The following RARB variants were observed in gnomAD, a reference collection of about 807,000 sequenced individuals.
RARB encodes HBV-activated protein.
Under a neutral mutation model 51.9 loss-of-function variants are expected in RARB, and 17 were observed. That is an observed-to-expected ratio of 0.33 (90% confidence interval 0.22 to 0.49). The LOEUF is 0.49. Among genes scored for constraint, RARB ranks in the 20% least tolerant of loss-of-function variants. The pLI, the probability that RARB is intolerant of heterozygous loss-of-function variation, is 0.99. For missense variants in RARB, 369 were observed against 550.8 expected (o/e 0.67, Z 3.30); for synonymous variants, 215 against 195.4 (o/e 1.10, Z -0.84).
At chr3:25,229,498 A>T (rs1702128158) in intron 5 of RARB, among the ~76,000 whole-genome samples, 1 of 152,134 alleles carries the variant, frequency 6.6e-6, no homozygotes, top group Non-Finnish European at 1.5e-5. Context: ...TCTATTACTG[A>T]TATTTATCTA....
intron 3 of RARB, among the ~76,000 whole-genome samples, chr3:25,524,634 C>G (rs1329953317): frequency 1.4e-5 from 2 of 144,274 alleles, no homozygotes; most frequent in African/African-American, 5.2e-5. Flanking sequence ...CCCTGCCTCC[C>G]TCCTTCCTCC....
rs536087064 is a variant in RARB, at chr3:25,421,251, T to C, written c.179-39942T>C. Among the ~76,000 whole-genome samples the C allele has an allele frequency of 2.2e-3, 337 of 152,120 alleles. 2 individuals carry two copies. The highest frequency in any genetic ancestry group is 7.7e-3 in the African/African-American group (320 of 41,488). On this transcript the variant is annotated intron_variant, in intron 5 of 11. Transcript: ENST00000383772. ...TTACATATTTGCAGCCCCTACCCCC[T>C]CCACCTGCAGCCTGAAATGTGCATT...
intron 5 of RARB, among the ~76,000 whole-genome samples, chr3:25,183,756 T>C (rs1342446879): frequency 2.0e-5 from 3 of 152,200 alleles, no homozygotes; most frequent in Non-Finnish European, 2.9e-5. Context: ...CCAGAATTCT[T>C]GGACAGTCTT....
intron 5 of RARB, among the ~76,000 whole-genome samples, chr3:25,363,149 G>C (rs534488118): frequency 6.6e-6 from 1 of 152,150 alleles, no homozygotes; most frequent in Non-Finnish European, 1.5e-5. Flanking sequence ...GTCCAGGAAA[G>C]TTGATGAAAG....
rs1696779142 is a variant in RARB at position 25,492,282 on chromosome 3, A to G, written c.307-8900A>G. Reference sequence around the variant, plus strand: ...TCATGTTTTGGAAATAGAAAAAGATATATTTTCACCTAAATTAAAGGACAT... The same window carrying G: ...TCATGTTTTGGAAATAGAAAAAGATGTATTTTCACCTAAATTAAAGGACAT... On this transcript the variant is annotated intron_variant, in intron 2 of 7. Coordinates refer to ENST00000330688, the MANE Select transcript of RARB (RefSeq NM_000965.5). Among the ~76,000 whole-genome samples, 3 of 152,346 alleles carry G rather than the reference A, an allele frequency of 2.0e-5. No homozygotes were observed. The South Asian group carries it at 6.2e-4, about 32-fold the overall frequency.
rs962698735 is a variant in RARB, at chr3:25,066,279, G to A, written c.-328+6103G>A. 2.0e-5 allele frequency among the ~76,000 whole-genome samples: 3 copies of A among 152,194 alleles called. No homozygotes were observed. The East Asian group carries it at 5.8e-4, about 29-fold the overall frequency. ...GTTGTTTATTTTGATGACTTGAATT[G>A]GTTGACTAGGATGTCAATGTCTGGT... is the stretch of plus-strand genomic sequence containing the variant. On this transcript the variant is annotated intron_variant, in intron 3 of 11. Coordinates refer to the RARB transcript ENST00000383772.
chr3:25,416,273 C>CAGCTACTTA (rs1185143235), intron 5 of RARB, among the ~76,000 whole-genome samples: 1 of 152,164 alleles, frequency 6.6e-6, no homozygotes, highest in Non-Finnish European at 1.5e-5. Context: ...CCTGTAGTCC[C>CAGCTACTTA]AGCTACTTAC....
chr3:25,332,239 C>A (rs1704921599), intron 5 of RARB, among the ~76,000 whole-genome samples: 1 of 152,130 alleles, frequency 6.6e-6, no homozygotes, highest in Non-Finnish European at 1.5e-5. Flanking sequence ...GAATTGTAGA[C>A]CAATATCCCT....
At chr3:25,183,193 A>G (rs1231025918) in intron 5 of RARB, among the ~76,000 whole-genome samples, 1 of 152,104 alleles carries the variant, frequency 6.6e-6, no homozygotes, top group East Asian at 1.9e-4. Flanking sequence ...TTTTCTCATA[A>G]TTTTGTCCTT....
At chr3:25,490,145 A>G (rs542054117) in intron 2 of RARB, among the ~76,000 whole-genome samples, 3 of 152,188 alleles carry the variant, frequency 2.0e-5, no homozygotes, top group Non-Finnish European at 4.4e-5. Flanking sequence ...TCCCATTCTC[A>G]TAGACTCTAT....
intron 5 of RARB, among the ~76,000 whole-genome samples, chr3:25,377,268 A>T (rs1706491648): frequency 6.6e-6 from 1 of 152,166 alleles, no homozygotes; most frequent in Non-Finnish European, 1.5e-5. Flanking sequence ...TTTTCTTGTT[A>T]GGCTGAATAC....
At chr3:25,322,715 A>C (rs937435120) in intron 5 of RARB, among the ~76,000 whole-genome samples, 5 of 152,178 alleles carry the variant, frequency 3.3e-5, no homozygotes, top group Non-Finnish European at 7.3e-5. Context: ...CCCATAATTC[A>C]ATGGTTCTTA....
At chr3:25,097,736 C>T (rs1384106050) in intron 3 of RARB, among the ~76,000 whole-genome samples, 1 of 152,172 alleles carries the variant, frequency 6.6e-6, no homozygotes, top group African/African-American at 2.4e-5. Context: ...AACTCCAGTT[C>T]ACCTCCTCAC....
chr3:24,881,730 G>A (rs1703170151), intron 2 of RARB, among the ~76,000 whole-genome samples: 1 of 152,142 alleles, frequency 6.6e-6, no homozygotes, highest in Admixed American at 6.5e-5. Context: ...CAAAATAAGA[G>A]CACAATGATG....
intron 3 of RARB, among the ~76,000 whole-genome samples, chr3:25,534,621 G>C (rs1699062827): frequency 6.6e-6 from 1 of 152,030 alleles, no homozygotes; most frequent in Admixed American, 6.6e-5. Context: ...TACCTGTTTG[G>C]ATACACTTTT....
chr3:25,582,108 G>T (rs1030704481), intron 5 of RARB, among the ~76,000 whole-genome samples: 1 of 152,200 alleles, frequency 6.6e-6, no homozygotes, highest in African/African-American at 2.4e-5. Flanking sequence ...TAGCAGAGAT[G>T]AGAGAGTTGT....
intron 5 of RARB, among the ~76,000 whole-genome samples, chr3:25,329,678 G>C (rs1309275201): frequency 6.6e-6 from 1 of 152,232 alleles, no homozygotes; most frequent in Non-Finnish European, 1.5e-5. Flanking sequence ...TGAGTTGAGA[G>C]AAGAAGACTT....
chr3:24,966,758 C>T (rs1309238865), intron 2 of RARB, among the ~76,000 whole-genome samples: 2 of 152,226 alleles, frequency 1.3e-5, no homozygotes, highest in African/African-American at 2.4e-5. Flanking sequence ...CAACAAGATT[C>T]ACATTAAATT....
intron 2 of RARB, among the ~76,000 whole-genome samples, chr3:24,914,078 G>A (rs1186348498): frequency 6.6e-6 from 1 of 152,186 alleles, no homozygotes; most frequent in African/African-American, 2.4e-5. Flanking sequence ...TGTCTGTGAT[G>A]CTACTTAAGC....
Sources: allele counts gnomAD v4.1 joint callset (sites outside exome capture counted in the v4.1 genomes callset), GRCh38; gene constraint gnomAD v4.1.1; transcripts MANE v1.5; gene names NCBI Gene and HGNC (gene_info 2026-07-23, HGNC 2026-07-21).